HCN4: variants seen among roughly 807,000 people sequenced by gnomAD.
The protein encoded by HCN4 is hyperpolarization activated cyclic nucleotide gated potassium channel 4, also known as potassium/sodium hyperpolarization-activated cyclic nucleotide-gated channel 4.
A neutral mutation model predicts 76.9 loss-of-function variants in HCN4; 29 were observed. That is an observed-to-expected ratio of 0.38 (90% CI 0.28 to 0.51). The LOEUF is 0.51. Among genes scored for constraint, HCN4 ranks in the 20% least tolerant of loss-of-function variants. The pLI is 0.90. For missense variants in HCN4, 1,416 were observed against 1,715.2 expected (o/e 0.83, Z 3.08); for synonymous variants, 772 against 762.5 (o/e 1.01, Z -0.21).
chr15:73,352,282 G>A (rs2043058370), intron 1 of HCN4, among the ~76,000 whole-genome samples: 1 of 152,172 alleles, frequency 6.6e-6, no homozygotes, highest in African/African-American at 2.4e-5. Context: ...TGAGTGGCAG[G>A]GAGCCCAGCA....
chr15:73,365,714 C>T (rs1184859459), intron 1 of HCN4, among the ~76,000 whole-genome samples: 1 of 152,160 alleles, frequency 6.6e-6, no homozygotes, highest in Admixed American at 6.6e-5. Flanking sequence ...GCTGGGCATG[C>T]CTGGGGTTGG....
At position 73,343,935 on chromosome 15, in the gene HCN4, G is replaced by A; in HGVS notation, c.786-127C>T. 1 of 911,400 alleles carries A rather than the reference G, an allele frequency of 1.1e-6. No individual in the cohort carries two copies. The highest frequency in any genetic ancestry group is 1.6e-5 in the African/African-American group (1 of 61,324). The allele number at this position is 911,400 out of a possible 1,614,324, so 56.5% of individuals were successfully genotyped here. On this transcript the variant is annotated intron_variant, in intron 1 of 7. Coordinates refer to ENST00000261917, the MANE Select transcript of HCN4 (RefSeq NM_005477.3). This position sits in a 1 kb window ranked among gnomAD's most constrained non-coding sequence, Gnocchi z 5.7. ...TGGGAGGTTCTGAGACAGGAAGACA[G>A]GCACATGGGTACCAGGGCAAGATGT...
intron 2 of HCN4, among the ~76,000 whole-genome samples, chr15:73,341,328 G>GA (rs147907941): frequency 0.023 from 3,458 of 151,910 alleles, 116 homozygotes; most frequent in African/African-American, 0.077. Flanking sequence ...TTTTAGTAGA[G>GA]ACGGGGTTTC....
chr15:73,322,237 G>T lies in HCN4; in HGVS notation c.*244C>A. On this transcript the variant is annotated 3_prime_UTR_variant, in exon 8 of 8. Coordinates refer to ENST00000261917, the MANE Select transcript of HCN4 (RefSeq NM_005477.3). ...TGGCTTTTGCATTTGGGACCTGCCT[G>T]CTCCCTCCTCCCTCCCCCTCCCTCC... 2.3e-6 allele frequency: 1 copy of T among 438,284 alleles called. No homozygotes were observed. The highest frequency in any genetic ancestry group is 4.2e-6 in the Non-Finnish European group (1 of 237,114). The allele number at this position is 438,284 out of a possible 1,614,324, so 27.1% of individuals were successfully genotyped here. A position where few individuals can be genotyped will look rare whatever the true frequency, so the allele number is the denominator to read the frequency against.
Position 73,367,341 on chromosome 15 carries a change from T to A in HCN4, c.785+145A>T. The A allele has an allele frequency of 8.1e-7, 1 of 1,241,022 alleles. No individual in the cohort carries two copies. Among genetic ancestry groups the A allele is most frequent in the Admixed American group, 2.1e-5 (1 of 46,684 alleles). The allele number at this position is 1,241,022 out of a possible 1,614,324, so 76.9% of individuals were successfully genotyped here. ...CGCGGTGCAGGAGGGGGCCTGGGGG[T>A]GTCTCGGAGCCTAGAGGCGCCCTGC... is the stretch of plus-strand genomic sequence containing the variant. On this transcript the variant is annotated intron_variant, in intron 1 of 7. Transcript: ENST00000261917. The surrounding 1 kb of genome is among the most constrained non-coding windows in gnomAD (Gnocchi z 7.5).
rs1002575622 is a variant in HCN4 at position 73,368,782 on chromosome 15, G to C, written c.-512C>G. 1 of 151,936 alleles carries C rather than the reference G, an allele frequency of 6.6e-6. No individual in the cohort carries two copies. Among genetic ancestry groups the C allele is most frequent in the African/African-American group, 2.4e-5 (1 of 41,428 alleles). 9.4% of individuals were successfully genotyped at this position (151,936 alleles called of 1,614,324 possible). On this transcript the variant is annotated 5_prime_UTR_variant, in exon 1 of 8. Transcript: ENST00000261917. The surrounding 1 kb of genome is among the most constrained non-coding windows in gnomAD (Gnocchi z 6.9). Reference sequence around the variant, plus strand: ...GAGCTCGCCTCGCCTCCTCTGCCCCGGCCCGTCCGGCCCGTCCCGGGGCTC... The same window carrying C: ...GAGCTCGCCTCGCCTCCTCTGCCCCCGCCCGTCCGGCCCGTCCCGGGGCTC...
chr15:73,358,465 C>T (rs1320536286), intron 1 of HCN4, among the ~76,000 whole-genome samples: 2 of 152,204 alleles, frequency 1.3e-5, no homozygotes, highest in Non-Finnish European at 2.9e-5. Context: ...GTAATTACTT[C>T]TGGGCTCCAG....
intron 1 of HCN4, among the ~76,000 whole-genome samples, chr15:73,351,027 T>A (rs1397494806): frequency 6.6e-6 from 1 of 152,104 alleles, no homozygotes; most frequent in Non-Finnish European, 1.5e-5. Context: ...ACGTCACCAA[T>A]ATGCATCCTG....
intron 3 of HCN4, 141 bp from the exon 4 acceptor site, chr15:73,329,932 G>C: frequency 1.4e-6 from 1 of 692,362 alleles, no homozygotes; most frequent in Non-Finnish European, 2.5e-6. Flanking sequence ...GCTGTTGGCT[G>C]AAAGCCTTGG....
At chr15:73,345,768 A>AT (rs375051370) in intron 1 of HCN4, among the ~76,000 whole-genome samples, 4 of 152,140 alleles carry the variant, frequency 2.6e-5, no homozygotes, top group African/African-American at 7.2e-5. Context: ...AAGAAAACAA[A>AT]TTTTTTAACT....
Position 73,323,648 on chromosome 15 carries a change from G to T in HCN4, c.2445C>A (p.Gly815=). ...IFRPPPGSGL[G]NLGAGQTPRH... is the part of the protein sequence containing the mutation. ...TTGGCGTCTGCCCGGCACCGAGGTT[G>T]CCCAGCCCAGATCCTGGGGGAGGGC... The change falls in exon 8 of 8, where the codon GGC becomes GGA. Residue 815 remains glycine (G), a synonymous_variant. Transcript: ENST00000261917. 1.3e-6 allele frequency: 2 copies of T among 1,596,142 alleles called. No individual in the cohort carries two copies. The highest frequency in any genetic ancestry group is 8.5e-7 in the Non-Finnish European group (1 of 1,173,568).
chr15:73,336,086 C>T (rs922997768), intron 2 of HCN4, among the ~76,000 whole-genome samples: 1 of 152,104 alleles, frequency 6.6e-6, no homozygotes, highest in Non-Finnish European at 1.5e-5. Context: ...GGAAGGCAAG[C>T]AGGGCACAAT....
intron 1 of HCN4, among the ~76,000 whole-genome samples, chr15:73,365,600 G>A (rs1017095612): frequency 2.6e-5 from 4 of 152,212 alleles, no homozygotes; most frequent in African/African-American, 4.8e-5. Context: ...CCTATCTGAT[G>A]AAATCAACCC....
At chr15:73,327,662 C>T (rs1446277237) in intron 4 of HCN4, among the ~76,000 whole-genome samples, 1 of 152,014 alleles carries the variant, frequency 6.6e-6, no homozygotes, top group Non-Finnish European at 1.5e-5. Flanking sequence ...AGCTTGATGC[C>T]TTCTCTACCT....
Position 73,325,578 on chromosome 15 carries a change from C to G in HCN4, c.1591-134G>C. 1 of 878,380 alleles carries G rather than the reference C, an allele frequency of 1.1e-6. No individual in the cohort carries two copies. The highest frequency in any genetic ancestry group is 2.5e-5 in the East Asian group (1 of 39,908). 54.4% of individuals were successfully genotyped at this position (878,380 alleles called of 1,614,324 possible). On this transcript the variant is annotated intron_variant, in intron 4 of 7. Transcript: ENST00000261917. The surrounding 1 kb of genome is among the most constrained non-coding windows in gnomAD (Gnocchi z 7.4). ...CTGGCTAAACTTGGTTCCTTGAGAT[C>G]TGAGGTCTACAGTGTGGAAATGACC... is the stretch of plus-strand genomic sequence containing the variant.
At chr15:73,326,762 TTTTTC>T (rs1245346878) in intron 4 of HCN4, among the ~76,000 whole-genome samples, 1 of 151,878 alleles carries the variant, frequency 6.6e-6, no homozygotes, top group African/African-American at 2.4e-5. Context: ...TTCTTTTCTT[TTTTTC>T]TTTTTATTTA....
At chr15:73,362,135 C>G (rs2043107652) in intron 1 of HCN4, among the ~76,000 whole-genome samples, 2 of 152,334 alleles carry the variant, frequency 1.3e-5, no homozygotes, top group Admixed American at 1.3e-4. Flanking sequence ...CAGCAGCGTC[C>G]AAGCAGCAGT....
chr15:73,336,311 T>C (rs1437858519), intron 2 of HCN4, among the ~76,000 whole-genome samples: 1 of 152,146 alleles, frequency 6.6e-6, no homozygotes, highest in Non-Finnish European at 1.5e-5. Context: ...GCACCCTGAG[T>C]GGGGTCTCCC....
At chr15:73,361,242 T>A (rs1482189071) in intron 1 of HCN4, among the ~76,000 whole-genome samples, 1 of 152,084 alleles carries the variant, frequency 6.6e-6, no homozygotes, top group Non-Finnish European at 1.5e-5. Context: ...GCTCACCACC[T>A]CTCTGTGCTG....
Sources: gnomAD v4.1 joint callset for allele counts (sites outside exome capture counted in the v4.1 genomes callset) on GRCh38, gnomAD v4.1.1 for gene constraint, Gnocchi (gnomAD v3.1) non-coding constraint, MANE v1.5 for transcripts, NCBI Gene and HGNC (gene_info 2026-07-23, HGNC 2026-07-21) for gene names.